FHIT: variants seen among roughly 807,000 people sequenced by gnomAD.
FHIT encodes the protein bis(5'-adenosyl)-triphosphatase.
A neutral mutation model predicts 17.9 loss-of-function variants in FHIT; 19 were observed. The ratio of observed to expected loss-of-function variants is 1.06; its 90% CI spans 0.74 to 1.56. FHIT has a LOEUF of 1.56. Among genes scored for constraint, FHIT ranks in the 40% most tolerant of loss-of-function variants. The probability of loss-of-function intolerance (pLI) is 0.00; values close to 1 mark genes in which losing one functional copy is unlikely to be tolerated. For missense variants in FHIT, 248 were observed against 189.2 expected (o/e 1.31, Z -1.82); for synonymous variants, 81 against 69.7 (o/e 1.16, Z -0.81).
At position 61,050,238 on chromosome 3, in the gene FHIT, G is replaced by T. The variant is rs1204065389; in HGVS notation, c.-163-8139C>A. Among the ~76,000 whole-genome samples the T allele has an allele frequency of 2.0e-5, 3 of 151,968 alleles. No individual in the cohort carries two copies. In the East Asian group the frequency reaches 5.8e-4, roughly 29 times the overall value. ...AAAGGTATTTCTTTTCCCATACAGA[G>T]AAATAAATTAAACACTGCCACAAAA... On this transcript the variant is annotated intron_variant, in intron 2 of 9. Coordinates refer to ENST00000492590, the MANE Select transcript of FHIT (RefSeq NM_002012.4).
intron 4 of FHIT, among the ~76,000 whole-genome samples, chr3:60,803,183 G>C (rs1018977558): frequency 2.0e-5 from 3 of 152,112 alleles, no homozygotes; most frequent in Non-Finnish European, 4.4e-5. Context: ...AACTGAAATC[G>C]GTGGGGTTGC....
chr3:61,136,399 T>C (rs950747654), intron 2 of FHIT, among the ~76,000 whole-genome samples: 3 of 152,292 alleles, frequency 2.0e-5, no homozygotes. Flanking sequence ...AACCTGTTTA[T>C]GGTTAGTCAT....
chr3:59,772,992 C>T (rs1702142491), intron 8 of FHIT, among the ~76,000 whole-genome samples: 1 of 152,240 alleles, frequency 6.6e-6, no homozygotes, highest in Admixed American at 6.5e-5. Context: ...CCTGTGACCA[C>T]AAAGCTCATA....
intron 2 of FHIT, among the ~76,000 whole-genome samples, chr3:61,092,865 A>C (rs762449501): frequency 6.6e-6 from 1 of 152,256 alleles, no homozygotes; most frequent in African/African-American, 2.4e-5. Flanking sequence ...AATAATAACG[A>C]AATACATGAC....
chr3:60,108,873 G>A (rs1704544622), intron 5 of FHIT, among the ~76,000 whole-genome samples: 1 of 152,060 alleles, frequency 6.6e-6, no homozygotes, highest in African/African-American at 2.4e-5. Context: ...ATGTTGGTCA[G>A]GCTGGTCTCG....
chr3:60,521,911 C>T (rs970857844), intron 5 of FHIT, among the ~76,000 whole-genome samples: 1 of 152,050 alleles, frequency 6.6e-6, no homozygotes, highest in African/African-American at 2.4e-5. Context: ...ACTGAGAGAG[C>T]CTTGTAACCA....
intron 3 of FHIT, among the ~76,000 whole-genome samples, chr3:60,946,320 A>G (rs993628686): frequency 3.3e-5 from 5 of 152,196 alleles, no homozygotes; most frequent in African/African-American, 1.2e-4. Flanking sequence ...CAAGGGCACT[A>G]TTGGCATTTG....
At chr3:61,220,011 G>C (rs1376043580) in intron 1 of FHIT, among the ~76,000 whole-genome samples, 1 of 152,018 alleles carries the variant, frequency 6.6e-6, no homozygotes, top group African/African-American at 2.4e-5. Context: ...GCATTCTGCA[G>C]CCCTCACCTG....
At chr3:60,821,236 A>G (rs1701918847) in intron 4 of FHIT, among the ~76,000 whole-genome samples, 1 of 152,186 alleles carries the variant, frequency 6.6e-6, no homozygotes, top group Admixed American at 6.5e-5. Context: ...TCGGCCTCCC[A>G]AAGTGCTGGG....
chr3:59,889,669 C>G (rs533832008), intron 8 of FHIT, among the ~76,000 whole-genome samples: 10 of 152,306 alleles, frequency 6.6e-5, no homozygotes, highest in South Asian at 4.1e-4. Flanking sequence ...CTTTCTAATC[C>G]TAAGACATAA....
intron 8 of FHIT, among the ~76,000 whole-genome samples, chr3:59,844,497 CTG>C (rs899577476): frequency 1.0e-4 from 15 of 150,476 alleles, no homozygotes; most frequent in African/African-American, 3.6e-4. Flanking sequence ...GTGTGTGTGT[CTG>C]TGTGTGTCTG....
chr3:60,620,435 T>C (rs782044350), intron 4 of FHIT, among the ~76,000 whole-genome samples: 2 of 152,118 alleles, frequency 1.3e-5, no homozygotes, highest in African/African-American at 2.4e-5. Context: ...CAAATCATGG[T>C]ATACGCAGAC....
intron 4 of FHIT, among the ~76,000 whole-genome samples, chr3:60,721,088 C>A (rs782564561): frequency 1.3e-5 from 2 of 151,982 alleles, no homozygotes; most frequent in Non-Finnish European, 2.9e-5. Context: ...TTTGTTGAAG[C>A]AATTGCTTTG....
At chr3:59,885,407 T>TAA (rs1703579098) in intron 8 of FHIT, among the ~76,000 whole-genome samples, 1 of 150,170 alleles carries the variant, frequency 6.7e-6, no homozygotes, top group Admixed American at 6.6e-5. Context: ...GAAACAGCCC[T>TAA]AAAGGGCTTC....
intron 5 of FHIT, among the ~76,000 whole-genome samples, chr3:60,447,796 G>A (rs1296165909): frequency 1.3e-5 from 2 of 152,052 alleles, no homozygotes; most frequent in Non-Finnish European, 2.9e-5. Flanking sequence ...ATTTAAATGG[G>A]GACACTATCC....
At chr3:61,157,418 C>T (rs940023817) in intron 2 of FHIT, among the ~76,000 whole-genome samples, 3 of 152,116 alleles carry the variant, frequency 2.0e-5, no homozygotes, top group African/African-American at 7.2e-5. Context: ...ATATGTCAAA[C>T]TCCATCAGTG....
chr3:59,958,362 A>T (rs72875143), intron 7 of FHIT, among the ~76,000 whole-genome samples: 6,594 of 152,188 alleles, frequency 0.043, 163 homozygotes, highest in Middle Eastern at 0.065. Flanking sequence ...AGGACTGTAT[A>T]AAAAAAATCA....
At chr3:60,609,281 G>C (rs908765273) in intron 4 of FHIT, among the ~76,000 whole-genome samples, 3 of 151,952 alleles carry the variant, frequency 2.0e-5, no homozygotes, top group Non-Finnish European at 4.4e-5. Flanking sequence ...ACTGTCTAAG[G>C]CTGCCTATTC....
chr3:60,129,536 T>C (rs1173671426), intron 5 of FHIT, among the ~76,000 whole-genome samples: 5 of 152,172 alleles, frequency 3.3e-5, no homozygotes, highest in Admixed American at 2.0e-4. Flanking sequence ...GTTCTGAATA[T>C]CCACATTTCG....
Sources: gnomAD v4.1 joint callset for allele counts (sites outside exome capture counted in the v4.1 genomes callset) on GRCh38, gnomAD v4.1.1 for gene constraint, MANE v1.5 for transcripts, NCBI Gene and HGNC (gene_info 2026-07-23, HGNC 2026-07-21) for gene names.